MAGI2: variants seen among roughly 807,000 people sequenced by gnomAD.
MAGI2 encodes membrane-associated guanylate kinase, WW and PDZ domain-containing protein 2.
Under a neutral mutation model 133.3 loss-of-function variants are expected in MAGI2, and 35 were observed. The ratio of observed to expected loss-of-function variants is 0.26; its 90% CI spans 0.20 to 0.35. The LOEUF is 0.35. Ranked by LOEUF, MAGI2 falls within the 10% of genes least tolerant of loss-of-function variation. The pLI is 1.00. For synonymous variants in MAGI2, 729 were observed against 710.6 expected, an observed-to-expected ratio of 1.03 and a Z score of -0.41; for missense variants, 1,636 against 1,863.4, an observed-to-expected ratio of 0.88 and a Z score of 2.25.
At chr7:78,880,788 T>TA (rs34413916) in intron 2 of MAGI2, among the ~76,000 whole-genome samples, 1 of 151,864 alleles carries the variant, frequency 6.6e-6, no homozygotes, top group Admixed American at 6.6e-5. Context: ...GCAAGCTGGA[T>TA]AAAAAATTAA....
rs138356267 is a variant in MAGI2, at chr7:78,192,699, T to C, written c.2269+2175A>G. 2.3e-3 allele frequency among the ~76,000 whole-genome samples: 356 copies of C among 152,286 alleles called. 2 individuals carry two copies. The highest frequency in any genetic ancestry group is 8.0e-3 in the African/African-American group (334 of 41,566). On this transcript the variant is annotated intron_variant, in intron 12 of 21. Coordinates refer to ENST00000354212, the MANE Select transcript of MAGI2 (RefSeq NM_012301.4). ...TTCATTTACACTCCATTTAGTGTTATGAAGAAATGTGATAGAAAAGAGAAG... is the reference window on the plus strand; with the variant it reads ...TTCATTTACACTCCATTTAGTGTTACGAAGAAATGTGATAGAAAAGAGAAG...
At chr7:78,300,795 G>C (rs1797754963) in intron 9 of MAGI2, among the ~76,000 whole-genome samples, 1 of 152,120 alleles carries the variant, frequency 6.6e-6, no homozygotes, top group African/African-American at 2.4e-5. Context: ...CTATGTATTT[G>C]CAGGTTTTCT....
At chr7:78,757,339 A>G (rs1824059638) in intron 2 of MAGI2, among the ~76,000 whole-genome samples, 1 of 140,028 alleles carries the variant, frequency 7.1e-6, no homozygotes, top group Non-Finnish European at 1.6e-5. Context: ...ATAATCATCA[A>G]TTTCCTCTTC....
At chr7:78,335,590 A>G (rs1278827382) in intron 9 of MAGI2, among the ~76,000 whole-genome samples, 7 of 152,210 alleles carry the variant, frequency 4.6e-5, no homozygotes, top group Non-Finnish European at 1.0e-4. Context: ...GGATAGGAAT[A>G]ACAGGGGACT....
intron 3 of MAGI2, among the ~76,000 whole-genome samples, chr7:78,527,029 A>AAAAAAAAAAAAAAAAAAAAAAAG (rs1563125198): frequency 8.0e-6 from 1 of 124,828 alleles, no homozygotes; most frequent in Non-Finnish European, 1.7e-5. Context: ...AAAAAAAAAA[A>AAAAAAAAAAAAAAAAAAAAAAAG]AAAAAGAAAA....
rs58739225 is a variant in MAGI2 at position 78,573,365 on chromosome 7, AATATATAT to A, written c.539-51728_539-51721del. The stretch of plus-strand genomic sequence containing the variant: ...ATATATAGAGAGAGAGAATCCTGGA[AATATATAT>A]ATATATATATATATATATATATATA... On this transcript the variant is annotated intron_variant, in intron 3 of 21. Transcript: ENST00000354212. Among the ~76,000 whole-genome samples the A allele has an allele frequency of 8.8e-3, 255 of 29,026 alleles. 10 individuals are homozygous for A. The highest frequency in any genetic ancestry group is 0.058 in the East Asian group (28 of 480). 19.0% of individuals were successfully genotyped at this position (29,026 alleles called of 152,430 possible).
At chr7:78,027,354 G>C (rs752659385) in intron 21 of MAGI2, among the ~76,000 whole-genome samples, 1 of 151,916 alleles carries the variant, frequency 6.6e-6, no homozygotes, top group African/African-American at 2.4e-5. Flanking sequence ...CAGGCCAGGC[G>C]CGGTGGCTCA....
At chr7:78,132,442 G>C (rs2150529436) in intron 18 of MAGI2, among the ~76,000 whole-genome samples, 1 of 152,328 alleles carries the variant, frequency 6.6e-6, no homozygotes, top group African/African-American at 2.4e-5. Context: ...CATTAAGTAA[G>C]CATGCTTACA....
intron 16 of MAGI2, among the ~76,000 whole-genome samples, chr7:78,145,630 A>G (rs1370117661): frequency 6.6e-6 from 1 of 152,158 alleles, no homozygotes. Context: ...TCCTTTTGCC[A>G]TGGGATGACA....
At chr7:78,685,204 G>A (rs1816146648) in intron 2 of MAGI2, among the ~76,000 whole-genome samples, 1 of 152,106 alleles carries the variant, frequency 6.6e-6, no homozygotes, top group African/African-American at 2.4e-5. Flanking sequence ...CTTTTCTAAT[G>A]TTGAACCTCA....
intron 2 of MAGI2, among the ~76,000 whole-genome samples, chr7:78,722,887 C>T (rs1212821092): frequency 6.6e-6 from 1 of 151,760 alleles, no homozygotes; most frequent in Non-Finnish European, 1.5e-5. Flanking sequence ...AAGTCATAGC[C>T]CTCCTAAAGC....
chr7:78,686,038 T>C (rs1407494795), intron 2 of MAGI2, among the ~76,000 whole-genome samples: 1 of 151,720 alleles, frequency 6.6e-6, no homozygotes, highest in Admixed American at 6.6e-5. Context: ...CTTTTACCTA[T>C]TCACATTGGA....
chr7:78,689,329 A>G (rs559691187), intron 2 of MAGI2, among the ~76,000 whole-genome samples: 13 of 152,290 alleles, frequency 8.5e-5, no homozygotes, highest in African/African-American at 3.1e-4. Flanking sequence ...AAAACTCAAT[A>G]TATTACCTTT....
chr7:78,667,563 C>A (rs1813767024), intron 2 of MAGI2, among the ~76,000 whole-genome samples: 1 of 146,854 alleles, frequency 6.8e-6, no homozygotes, highest in South Asian at 2.3e-4. Flanking sequence ...ACAACAGTCC[C>A]CAGAGTGTGA....
intron 1 of MAGI2, among the ~76,000 whole-genome samples, chr7:79,092,520 A>AAAGACAT (rs1344086214): frequency 6.6e-6 from 1 of 152,180 alleles, no homozygotes; most frequent in Non-Finnish European, 1.5e-5. Flanking sequence ...AACAACAACA[A>AAAGACAT]AAGACATACC....
intron 1 of MAGI2, among the ~76,000 whole-genome samples, chr7:79,386,117 A>T (rs114945182): frequency 0.027 from 4,052 of 152,006 alleles, 197 homozygotes; most frequent in African/African-American, 0.092. Flanking sequence ...CCCTTATATA[A>T]TGTTTCCTCA....
At chr7:78,827,049 C>T (rs564660601) in intron 2 of MAGI2, among the ~76,000 whole-genome samples, 1 of 151,890 alleles carries the variant, frequency 6.6e-6, no homozygotes, top group Admixed American at 6.6e-5. Context: ...CATATAGATA[C>T]AGATACATAT....
intron 2 of MAGI2, among the ~76,000 whole-genome samples, chr7:78,831,868 A>G (rs1213244034): frequency 1.3e-5 from 2 of 152,180 alleles, no homozygotes; most frequent in African/African-American, 4.8e-5. Context: ...ACTCTCTGAA[A>G]AGAGAGTTAT....
chr7:78,124,603 A>G (rs1056347484), intron 20 of MAGI2, among the ~76,000 whole-genome samples: 4 of 152,180 alleles, frequency 2.6e-5, no homozygotes, highest in African/African-American at 9.7e-5. Flanking sequence ...CCGGAACCCC[A>G]AAGCCACAGC....
Sources: gnomAD v4.1 joint callset for allele counts (sites outside exome capture counted in the v4.1 genomes callset) on GRCh38, gnomAD v4.1.1 for gene constraint, MANE v1.5 for transcripts, NCBI Gene and HGNC (gene_info 2026-07-23, HGNC 2026-07-21) for gene names.